The following SLFN12 variants were observed in gnomAD, a reference collection of about 807,000 sequenced individuals.
SLFN12 encodes the protein ribonuclease SLFN12.
In SLFN12, 25 loss-of-function variants were observed where a neutral mutation model predicts 29.1. The observed-to-expected ratio is 0.86, with a 90% CI of 0.63 to 1.20. SLFN12 has a LOEUF of 1.20. Among genes scored for constraint, SLFN12 ranks in the 50% most tolerant of loss-of-function variants. The probability of loss-of-function intolerance (pLI) is 0.00; values close to 1 mark genes in which losing one functional copy is unlikely to be tolerated. For missense variants in SLFN12, 660 were observed against 666.2 expected (o/e 0.99, Z 0.10); for synonymous variants, 257 against 238.7 (o/e 1.08, Z -0.71).
chr17:35,425,653 C>A (rs960875266), intron 1 of SLFN12, among the ~76,000 whole-genome samples: 12 of 151,772 alleles, frequency 7.9e-5, no homozygotes, highest in African/African-American at 2.7e-4. Flanking sequence ...ACCACTTTTT[C>A]TTTATCCATT....
chr17:35,430,941 G>T (rs1912283093), intron 1 of SLFN12, among the ~76,000 whole-genome samples: 1 of 152,044 alleles, frequency 6.6e-6, no homozygotes, highest in African/African-American at 2.4e-5. Flanking sequence ...TGTAACTATG[G>T]CCTTTACAGT....
At position 35,422,545 on chromosome 17, in the gene SLFN12, A is replaced by T. The variant is rs949891065; in HGVS notation, c.484T>A (p.Leu162Met). Residue 162 changes from leucine to methionine, a missense_variant, in exon 2 of 4, where the codon TTG becomes ATG. By Grantham distance (15) the Leu-to-Met change is conservative. Transcript: ENST00000304905. ...TRGRLYLRPE[L>M]LAKRPCVDIQ... is the part of the protein sequence containing the mutation. ...TCAACACAGGGCCTCTTTGCCAGCAATTCTGGTCTTAAATACAATCTCCCT... is the reference window on the plus strand; with the variant it reads ...TCAACACAGGGCCTCTTTGCCAGCATTTCTGGTCTTAAATACAATCTCCCT... 25 of 1,613,954 alleles carry T rather than the reference A, an allele frequency of 1.5e-5. No individual in the cohort carries two copies. The highest frequency in any genetic ancestry group is 2.1e-5 in the Non-Finnish European group (25 of 1,180,000).
In SLFN12 at chr17:35,411,851, T is replaced by C. The variant is rs761676050; in HGVS notation, c.1224A>G (p.Gln408=). Residue 408 remains glutamine (Q), a synonymous_variant, in exon 4 of 4, where the codon CAA becomes CAG. Transcript: ENST00000304905. ...KLFLQHEGLK[Q]LICEEMDSVR... ...CAGAGTCCATTTCTTCACATATTAA[T>C]TGCTTAAGTCCTTCATGTTGTAAGA... 3.1e-6 allele frequency: 5 copies of C among 1,614,016 alleles called. No individual in the cohort carries two copies. The South Asian group carries it at 5.5e-5, about 18-fold the overall frequency.
intron 1 of SLFN12, 98 bp from the exon 2 acceptor site, chr17:35,423,166 AT>A: frequency 2.2e-6 from 3 of 1,345,922 alleles, no homozygotes; most frequent in Non-Finnish European, 3.0e-6. Context: ...TGCTGTATAT[AT>A]TCTACTAGAC....
Position 35,427,717 on chromosome 17 carries a change from G to T in SLFN12, c.-41+4471C>A, listed in dbSNP as rs940824555. ...TATTAACTGCATAATTTCATACATG[G>T]TATTAATGTACCATTATTTAACTAT... On this transcript the variant is annotated intron_variant, in intron 1 of 3. Coordinates refer to ENST00000304905, the MANE Select transcript of SLFN12 (RefSeq NM_018042.5). Among the ~76,000 whole-genome samples the T allele has an allele frequency of 3.4e-4, 51 of 152,062 alleles. 1 individual carries two copies. The highest frequency in any genetic ancestry group is 2.1e-4 in the Non-Finnish European group (14 of 68,014).
intron 3 of SLFN12, among the ~76,000 whole-genome samples, chr17:35,415,301 G>A (rs779552699): frequency 3.3e-5 from 5 of 151,918 alleles, no homozygotes; most frequent in Non-Finnish European, 7.4e-5. Context: ...TGGGATAATC[G>A]GCAAGCCACA....
intron 3 of SLFN12, among the ~76,000 whole-genome samples, chr17:35,417,144 T>C (rs752060363): frequency 6.6e-6 from 1 of 152,206 alleles, no homozygotes; most frequent in Non-Finnish European, 1.5e-5. Flanking sequence ...TGGATTTAGA[T>C]ACAGAAATTC....
Position 35,411,678 on chromosome 17 carries a change from A to G in SLFN12, c.1397T>C (p.Phe466Ser), listed in dbSNP as rs1385554020. ...GGCAGTTTGTGTAGAATAGCCTTTA[A>G]ACTCCTCATCCTGTACCATGTGGAA... is the stretch of plus-strand genomic sequence containing the variant. ...YTFHMVQDEE[F>S]KGYSTQTALT... The change falls in exon 4 of 4, where the codon TTT (phenylalanine) becomes TCT (serine). Residue 466 changes from phenylalanine (F) to serine (S), a missense_variant. Phe to Ser is a radical substitution (Grantham distance 155). Transcript: ENST00000304905. 1.5e-5 allele frequency: 25 copies of G among 1,613,884 alleles called. No homozygotes were observed. Among genetic ancestry groups the G allele is most frequent in the Middle Eastern group, 1.6e-4 (1 of 6,084 alleles).
At chr17:35,426,650 T>A (rs550033256) in intron 1 of SLFN12, among the ~76,000 whole-genome samples, 80 of 152,282 alleles carry the variant, frequency 5.3e-4, no homozygotes, top group African/African-American at 1.8e-3. Flanking sequence ...TTATGAATTT[T>A]TGTTGGAAAT....
At chr17:35,414,109 A>G (rs1051045764) in intron 3 of SLFN12, among the ~76,000 whole-genome samples, 4 of 152,134 alleles carry the variant, frequency 2.6e-5, no homozygotes, top group Non-Finnish European at 5.9e-5. Flanking sequence ...CTTCTATCCA[A>G]TATGGAAGTC....
intron 1 of SLFN12, among the ~76,000 whole-genome samples, chr17:35,425,913 C>A (rs1911997902): frequency 7.8e-6 from 1 of 128,294 alleles, no homozygotes; most frequent in Non-Finnish European, 1.6e-5. Flanking sequence ...GTTTAAATTC[C>A]TACCAATAGT....
At chr17:35,429,134 A>T (rs1429204495) in intron 1 of SLFN12, among the ~76,000 whole-genome samples, 1 of 152,078 alleles carries the variant, frequency 6.6e-6, no homozygotes, top group Admixed American at 6.5e-5. Flanking sequence ...CACTGTCTAC[A>T]TCAGGCTGGG....
chr17:35,422,806 T>G lies in SLFN12; in HGVS notation c.223A>C (p.Ile75Leu), dbSNP rs756347599. 2 of 1,613,768 alleles carry G rather than the reference T, an allele frequency of 1.2e-6. No homozygotes were observed. The highest frequency in any genetic ancestry group is 1.7e-6 in the Non-Finnish European group (2 of 1,179,804). Reference protein sequence around the residue: ...NEDYSYTKDGIGLDLENSFSN... With the variant: ...NEDYSYTKDGLGLDLENSFSN... ...AAAGAATTTTCCAAATCTAGTCCTA[T>G]TCCATCTTTTGTATAACTATAGTCT... Residue 75 changes from isoleucine (I) to leucine (L), a missense_variant, in exon 2 of 4, where the codon ATA becomes CTA. By Grantham distance (5) the Ile-to-Leu change is conservative. Coordinates refer to ENST00000304905, the MANE Select transcript of SLFN12 (RefSeq NM_018042.5).
chr17:35,425,838 C>CTTTTTTTTTT (rs58492425), intron 1 of SLFN12, among the ~76,000 whole-genome samples: 863 of 39,012 alleles, frequency 0.022, 27 homozygotes, highest in East Asian at 0.029. Context: ...CTTTTCTTTT[C>CTTTTTTTTTT]TTTTTTTTTT....
chr17:35,413,124 G>A (rs1911122648), intron 3 of SLFN12, among the ~76,000 whole-genome samples: 1 of 151,100 alleles, frequency 6.6e-6, no homozygotes, highest in Non-Finnish European at 1.5e-5. Context: ...CTGTCAAAAG[G>A]TCTAGCAAAT....
upstream of SLFN12, chr17:35,432,502 G>C (rs577124470): frequency 2.0e-5 from 3 of 152,140 alleles, no homozygotes; most frequent in Non-Finnish European, 4.4e-5. Flanking sequence ...GCGATCAATG[G>C]GAGGCTGAAG....
chr17:35,429,167 A>G (rs1311452602), intron 1 of SLFN12, among the ~76,000 whole-genome samples: 2 of 151,956 alleles, frequency 1.3e-5, no homozygotes, highest in African/African-American at 4.8e-5. Context: ...TTTTTTGCCT[A>G]ACCCACCATA....
At position 35,422,858 on chromosome 17, in the gene SLFN12, TC is replaced by T. The variant is rs1911782419; in HGVS notation, c.170del (p.Gly57GlufsTer2). Reference protein sequence around the residue: ...AMCALLNSGGGVIKAEIENED... With the variant: ...AMCALLNSGGXVIKAEIENED... ...CATTCTCAATTTCAGCCTTGATCAC[TC>T]CCCCTCCAGAATTGAGCAGAGCACA... On this transcript the variant is annotated frameshift_variant, in exon 2 of 4. Transcript: ENST00000304905. LOFTEE classifies it high-confidence loss of function. 6.2e-7 allele frequency: 1 copy of T among 1,613,770 alleles called. No homozygotes were observed. Among genetic ancestry groups the T allele is most frequent in the Admixed American group, 1.7e-5 (1 of 59,990 alleles).
intron 3 of SLFN12, among the ~76,000 whole-genome samples, chr17:35,414,761 G>A (rs35321169): frequency 2.0e-5 from 3 of 151,666 alleles, no homozygotes; most frequent in South Asian, 2.1e-4. Flanking sequence ...CAATCCCTCC[G>A]ACAACAGCTG....
Sources: gnomAD v4.1 joint callset for allele counts (sites outside exome capture counted in the v4.1 genomes callset) on GRCh38, gnomAD v4.1.1 for gene constraint, MANE v1.5 for transcripts, NCBI Gene and HGNC (gene_info 2026-07-23, HGNC 2026-07-21) for gene names.